SLC2A13: variants seen among roughly 807,000 people sequenced by gnomAD.
SLC2A13 encodes the protein solute carrier family 2 member 13, also known as proton myo-inositol cotransporter.
Under a neutral mutation model 64.4 loss-of-function variants are expected in SLC2A13, and 32 were observed. The ratio of observed to expected loss-of-function variants is 0.50; its 90% CI spans 0.37 to 0.67. SLC2A13 has a LOEUF of 0.67. Ranked by LOEUF, SLC2A13 falls within the 30% of genes least tolerant of loss-of-function variation. SLC2A13 has a pLI of 0.00. For missense variants in SLC2A13, 743 were observed against 829.2 expected, an observed-to-expected ratio of 0.90 and a Z score of 1.28; for synonymous variants, 338 against 327.1, an observed-to-expected ratio of 1.03 and a Z score of -0.36.
At chr12:39,896,699 T>G (rs1286644940) in intron 4 of SLC2A13, among the ~76,000 whole-genome samples, 3 of 151,966 alleles carry the variant, frequency 2.0e-5, no homozygotes, top group Non-Finnish European at 2.9e-5. Context: ...TATCTGCAAT[T>G]TAAGACTTCA....
chr12:39,887,932 A>G (rs1380697258), intron 4 of SLC2A13, among the ~76,000 whole-genome samples: 1 of 152,154 alleles, frequency 6.6e-6, no homozygotes. Context: ...TTTTCCTTCT[A>G]ATTTCAGGAA....
At chr12:39,794,165 C>T (rs1019743103) in intron 7 of SLC2A13, among the ~76,000 whole-genome samples, 1 of 148,050 alleles carries the variant, frequency 6.8e-6, no homozygotes, top group East Asian at 2.0e-4. Flanking sequence ...ACAAAACCTC[C>T]CTTCTGCAAA....
chr12:39,893,652 T>G (rs576221002), intron 4 of SLC2A13, among the ~76,000 whole-genome samples: 5 of 152,194 alleles, frequency 3.3e-5, no homozygotes, highest in Non-Finnish European at 7.3e-5. Flanking sequence ...AAAAGTAAGA[T>G]AAAAGTTAAA....
intron 2 of SLC2A13, among the ~76,000 whole-genome samples, chr12:40,043,549 TC>T (rs1304290648): frequency 3.9e-5 from 6 of 152,084 alleles, no homozygotes; most frequent in African/African-American, 1.4e-4. Context: ...TAACACCAAT[TC>T]CACTAACCTG....
chr12:39,823,280 TATTA>T (rs1420309603), intron 7 of SLC2A13, among the ~76,000 whole-genome samples: 4 of 152,252 alleles, frequency 2.6e-5, no homozygotes, highest in African/African-American at 4.8e-5. Flanking sequence ...GCTACATTGT[TATTA>T]ATTTAGGAAC....
At chr12:39,764,051 T>G (rs1204143320) in intron 9 of SLC2A13, among the ~76,000 whole-genome samples, 1 of 152,138 alleles carries the variant, frequency 6.6e-6, no homozygotes, top group East Asian at 1.9e-4. Context: ...ATTCTGCTCT[T>G]GGACTGGACG....
chr12:40,039,982 C>T (rs1948058353), intron 2 of SLC2A13, among the ~76,000 whole-genome samples: 1 of 152,194 alleles, frequency 6.6e-6, no homozygotes, highest in South Asian at 2.1e-4. Flanking sequence ...ACATTCTGTC[C>T]ATGTTTTATA....
chr12:39,893,887 T>C (rs1189545655), intron 4 of SLC2A13, among the ~76,000 whole-genome samples: 2 of 152,194 alleles, frequency 1.3e-5, no homozygotes, highest in African/African-American at 2.4e-5. Context: ...CCATATGAAA[T>C]TGAAAAAGTA....
chr12:39,767,858 G>T (rs4334097), intron 7 of SLC2A13, among the ~76,000 whole-genome samples: 147,922 of 152,128 alleles, frequency 0.97, 71,916 homozygotes, highest in East Asian at 1. Flanking sequence ...TCTCCTTCCT[G>T]TCGCCATGTG....
chr12:39,867,800 T>C (rs1005868846), intron 5 of SLC2A13, among the ~76,000 whole-genome samples: 20 of 152,318 alleles, frequency 1.3e-4, no homozygotes, highest in African/African-American at 4.3e-4. Context: ...TGCCTGGATG[T>C]ACCCCAACCT....
At chr12:40,020,019 A>C (rs1947686209) in intron 3 of SLC2A13, among the ~76,000 whole-genome samples, 1 of 152,194 alleles carries the variant, frequency 6.6e-6, no homozygotes, top group Admixed American at 6.5e-5. Flanking sequence ...ACTGATTAAA[A>C]ATACTGCTTA....
At chr12:40,002,796 A>T (rs1947342185) in intron 3 of SLC2A13, among the ~76,000 whole-genome samples, 1 of 152,048 alleles carries the variant, frequency 6.6e-6, no homozygotes, top group Non-Finnish European at 1.5e-5. Flanking sequence ...AATGCCTAGC[A>T]TGTATGGGGC....
chr12:39,901,645 C>G (rs1439682547), intron 4 of SLC2A13, among the ~76,000 whole-genome samples: 1 of 126,434 alleles, frequency 7.9e-6, no homozygotes, highest in Non-Finnish European at 1.7e-5. Flanking sequence ...CAATGAGATA[C>G]CATCTCACAC....
intron 1 of SLC2A13, among the ~76,000 whole-genome samples, chr12:40,072,794 GT>G (rs61111358): frequency 6.6e-6 from 1 of 152,144 alleles, no homozygotes; most frequent in Non-Finnish European, 1.5e-5. Flanking sequence ...ATAAAGTTGG[GT>G]CTTGTTTTTA....
chr12:39,992,071 T>A (rs1034645110), intron 3 of SLC2A13, among the ~76,000 whole-genome samples: 5 of 152,134 alleles, frequency 3.3e-5, no homozygotes, highest in Non-Finnish European at 7.4e-5. Flanking sequence ...TTATCCAAAA[T>A]ACCACCACTG....
Position 39,830,206 on chromosome 12 carries a change from CCAACATA to C in SLC2A13, c.1335_1341del (p.Cys445TrpfsTer11). ...TTGTAGCAGAAACCGCAGTCTGGAT[CCAACATA>C]CATTCATTACAGTAACTGAAAAATG... On this transcript the variant is annotated frameshift_variant, in exon 7 of 10. Coordinates refer to ENST00000280871, the MANE Select transcript of SLC2A13 (RefSeq NM_052885.4). LOFTEE classifies it high-confidence loss of function. 1 of 1,613,466 alleles carries C rather than the reference CCAACATA, an allele frequency of 6.2e-7. No individual in the cohort carries two copies. The highest frequency in any genetic ancestry group is 8.5e-7 in the Non-Finnish European group (1 of 1,179,678).
intron 1 of SLC2A13, among the ~76,000 whole-genome samples, chr12:40,062,960 G>T (rs894949373): frequency 8.6e-5 from 13 of 151,812 alleles, no homozygotes; most frequent in African/African-American, 3.1e-4. Flanking sequence ...CATTTTTCTG[G>T]TATCTATTTT....
chr12:40,003,006 G>A (rs559048329), intron 3 of SLC2A13, among the ~76,000 whole-genome samples: 51 of 152,262 alleles, frequency 3.3e-4, no homozygotes, highest in Non-Finnish European at 5.1e-4. Context: ...CACGCTAGGC[G>A]TATTGGTCAC....
intron 3 of SLC2A13, among the ~76,000 whole-genome samples, chr12:39,987,848 C>T (rs540366555): frequency 6.6e-6 from 1 of 151,910 alleles, no homozygotes; most frequent in African/African-American, 2.4e-5. Flanking sequence ...AATTTTGAGG[C>T]TTTTTCTAAA....
Sources: allele counts gnomAD v4.1 joint callset (sites outside exome capture counted in the v4.1 genomes callset), GRCh38; gene constraint gnomAD v4.1.1; transcripts MANE v1.5; gene names NCBI Gene and HGNC (gene_info 2026-07-23, HGNC 2026-07-21).